The following GPR101 variants were observed in gnomAD, a reference collection of about 807,000 sequenced individuals.
The protein encoded by GPR101 is G protein-coupled receptor 101, also known as probable G protein-coupled receptor 101.
Under a neutral mutation model 16.4 loss-of-function variants are expected in GPR101, and 8 were observed. The observed-to-expected ratio is 0.49, with a 90% CI of 0.29 to 0.88. GPR101 has a LOEUF of 0.88. Among genes scored for constraint, GPR101 ranks in the 40% least tolerant of loss-of-function variants. The pLI is 0.09. For missense variants in GPR101, 375 were observed against 411.7 expected, an observed-to-expected ratio of 0.91 and a Z score of 0.77; for synonymous variants, 155 against 168.7, an observed-to-expected ratio of 0.92 and a Z score of 0.63.
rs891701568 is a variant in GPR101, at chrX:137,024,652, C to T, written c.*5496G>A. On this transcript the variant is annotated 3_prime_UTR_variant, in exon 2 of 2. Transcript: ENST00000651716. Reference sequence around the variant, plus strand: ...ATACAGTACTGTAACTATCAAACACCGTAGCTGTGACCCCATAGAGGAGTC... The same window carrying T: ...ATACAGTACTGTAACTATCAAACACTGTAGCTGTGACCCCATAGAGGAGTC... Among the ~76,000 whole-genome samples the T allele has an allele frequency of 8.2e-5, 9 of 109,983 alleles. No individual in the cohort carries two copies. The highest frequency in any genetic ancestry group is 1.7e-4 in the Non-Finnish European group (9 of 52,800).
Position 137,030,804 on chromosome X carries a change from T to A in GPR101, c.871A>T (p.Thr291Ser). ...DGSLKAKEGS[T>S]GTSESSVEAR... ...TCTACACTACTCTCACTGGTCCCCG[T>A]GCTTCCTTCCTTGGCCTTCAGGCTG... The change falls in exon 2 of 2, where the codon ACG becomes TCG. Residue 291 changes from threonine (T) to serine (S), a missense_variant. Coordinates refer to ENST00000651716, the MANE Select transcript of GPR101 (RefSeq NM_054021.2). The A allele has an allele frequency of 2.5e-6, 3 of 1,211,803 alleles. No homozygotes were observed. The highest frequency in any genetic ancestry group is 2.2e-5 in the Admixed American group (1 of 46,073).
chrX:137,032,216 CACTT>C (rs1295588995), intron 1 of GPR101, among the ~76,000 whole-genome samples: 2 of 110,977 alleles, frequency 1.8e-5, no homozygotes, highest in Non-Finnish European at 3.8e-5. Context: ...CCTTGTCTCT[CACTT>C]ATGTCTGTCT....
At chrX:137,033,777 C>G (rs2148745252) in intron 1 of GPR101, among the ~76,000 whole-genome samples, 25 bp downstream of exon 1, 1 of 112,130 alleles carries the variant, frequency 8.9e-6, no homozygotes, top group African/African-American at 3.2e-5. Flanking sequence ...GGCCACGGAG[C>G]CCGGAGTAGG....
chrX:137,029,468 T>A lies in GPR101; in HGVS notation c.*680A>T, dbSNP rs1048387351. Reference sequence around the variant, plus strand: ...AGTCAACTGTTTAGCTCTCCAGATGTGTGTTATTTCTCAATCTTTTCCCTT... The same window carrying A: ...AGTCAACTGTTTAGCTCTCCAGATGAGTGTTATTTCTCAATCTTTTCCCTT... On this transcript the variant is annotated 3_prime_UTR_variant, in exon 2 of 2. Coordinates refer to ENST00000651716, the MANE Select transcript of GPR101 (RefSeq NM_054021.2). Among the ~76,000 whole-genome samples the A allele has an allele frequency of 1.3e-4, 15 of 112,371 alleles. No homozygotes were observed. Among genetic ancestry groups the A allele is most frequent in the Non-Finnish European group, 2.6e-4 (14 of 53,269 alleles).
chrX:137,024,353 T>C lies in GPR101; in HGVS notation c.*5795A>G, dbSNP rs1029988978. 6.2e-5 allele frequency among the ~76,000 whole-genome samples: 7 copies of C among 112,207 alleles called. No individual in the cohort carries two copies. In the Admixed American group the frequency reaches 6.6e-4, roughly 11 times the overall value. On this transcript the variant is annotated 3_prime_UTR_variant, in exon 2 of 2. Transcript: ENST00000651716. Reference sequence around the variant, plus strand: ...TCAGGACTGTAGTTTGACAATCCTTTGAGAAGGCACTTTTCAATTACAAAT... The same window carrying C: ...TCAGGACTGTAGTTTGACAATCCTTCGAGAAGGCACTTTTCAATTACAAAT...
At position 137,027,221 on chromosome X, in the gene GPR101, A is replaced by G. The variant is rs1927180677; in HGVS notation, c.*2927T>C. Reference sequence around the variant, plus strand: ...CAAACTAGATGCTCTATTATTCGTAAATAAGGAAAATCATTAAATTTAAAA... The same window carrying G: ...CAAACTAGATGCTCTATTATTCGTAGATAAGGAAAATCATTAAATTTAAAA... On this transcript the variant is annotated 3_prime_UTR_variant, in exon 2 of 2. Transcript: ENST00000651716. 9.4e-6 allele frequency among the ~76,000 whole-genome samples: 1 copy of G among 106,503 alleles called. No individual in the cohort carries two copies. The highest frequency in any genetic ancestry group is 3.4e-5 in the African/African-American group (1 of 29,079). 92.5% of individuals were successfully genotyped at this position (106,503 alleles called of 115,157 possible).
Position 137,031,491 on chromosome X carries a change from G to A in GPR101, c.184C>T (p.Leu62=). Residue 62 remains leucine (L), a synonymous_variant, in exon 2 of 2, where the codon CTG becomes TTG. Coordinates refer to ENST00000651716, the MANE Select transcript of GPR101 (RefSeq NM_054021.2). ...LALVLQRKPQ[L]LQVTNRFIFN... is the part of the protein sequence containing the mutation. ...ATAAAACGGTTGGTCACCTGCAGCA[G>A]CTGCGGCTTGCGCTGCAACACTAGC... The A allele has an allele frequency of 1.7e-6, 2 of 1,203,117 alleles. No homozygotes were observed. The highest frequency in any genetic ancestry group is 2.2e-6 in the Non-Finnish European group (2 of 891,507).
At position 137,024,458 on chromosome X, in the gene GPR101, C is replaced by T. The variant is rs1269525581; in HGVS notation, c.*5690G>A. 8.9e-6 allele frequency among the ~76,000 whole-genome samples: 1 copy of T among 112,336 alleles called. No homozygotes were observed. The highest frequency in any genetic ancestry group is 1.9e-5 in the Non-Finnish European group (1 of 53,288). On this transcript the variant is annotated 3_prime_UTR_variant, in exon 2 of 2. Coordinates refer to ENST00000651716, the MANE Select transcript of GPR101 (RefSeq NM_054021.2). Reference sequence around the variant, plus strand: ...AAGAGAACTATTTATTGATTAAATACATTTTTCTGTTTTCAGTTTCAAAGC... The same window carrying T: ...AAGAGAACTATTTATTGATTAAATATATTTTTCTGTTTTCAGTTTCAAAGC...
Position 137,029,483 on chromosome X carries a change from T to C in GPR101, c.*665A>G, listed in dbSNP as rs905893313. On this transcript the variant is annotated 3_prime_UTR_variant, in exon 2 of 2. Transcript: ENST00000651716. The stretch of plus-strand genomic sequence containing the variant: ...TCTCCAGATGTGTGTTATTTCTCAA[T>C]CTTTTCCCTTGGACTAGCTTCCCAT... Among the ~76,000 whole-genome samples the C allele has an allele frequency of 8.9e-5, 10 of 112,533 alleles. No individual in the cohort carries two copies. The highest frequency in any genetic ancestry group is 3.2e-4 in the African/African-American group (10 of 30,942).
At position 137,026,894 on chromosome X, in the gene GPR101, G is replaced by C. The variant is rs916863081; in HGVS notation, c.*3254C>G. Among the ~76,000 whole-genome samples, 6 of 110,433 alleles carry C rather than the reference G, an allele frequency of 5.4e-5. No homozygotes were observed. Among genetic ancestry groups the C allele is most frequent in the African/African-American group, 2.0e-4 (6 of 30,255 alleles). On this transcript the variant is annotated 3_prime_UTR_variant, in exon 2 of 2. Transcript: ENST00000651716. ...GGTCCCTGTGAATCTGTCAGCTCTG[G>C]GTTGGGAAGGGATGGATGGGGAGTA...
At position 137,028,353 on chromosome X, in the gene GPR101, C is replaced by T. The variant is rs1927198347; in HGVS notation, c.*1795G>A. ...AGTTATTCACAGTCCAAATACATTG[C>T]TGTTTACCCCTTGAGAAGTTCATGT... On this transcript the variant is annotated 3_prime_UTR_variant, in exon 2 of 2. Coordinates refer to ENST00000651716, the MANE Select transcript of GPR101 (RefSeq NM_054021.2). Among the ~76,000 whole-genome samples, 1 of 111,557 alleles carries T rather than the reference C, an allele frequency of 9.0e-6. No homozygotes were observed. Among genetic ancestry groups the T allele is most frequent in the South Asian group, 3.8e-4 (1 of 2,645 alleles).
rs746481819 is a variant in GPR101, at chrX:137,025,237, AACTG to A, written c.*4907_*4910del. On this transcript the variant is annotated 3_prime_UTR_variant, in exon 2 of 2. Transcript: ENST00000651716. Reference sequence around the variant, plus strand: ...CAAATGTACCATGTTCTACATCAGAAACTGACTAAGTTGTAGGTCACACATAGAA... The same window carrying A: ...CAAATGTACCATGTTCTACATCAGAAACTAAGTTGTAGGTCACACATAGAA... Among the ~76,000 whole-genome samples the A allele has an allele frequency of 8.9e-6, 1 of 112,565 alleles. No homozygotes were observed. Among genetic ancestry groups the A allele is most frequent in the Non-Finnish European group, 1.9e-5 (1 of 53,365 alleles).
chrX:137,030,975 A>G lies in GPR101; in HGVS notation c.700T>C (p.Leu234=). Residue 234 remains leucine, a synonymous_variant, in exon 2 of 2, where the codon TTG becomes CTG. Transcript: ENST00000651716. ...ACACAGTCCTTGACTCGCACTTCCAAGCTGTGTCTCTTGACATTGTACAGC... is the reference window on the plus strand; with the variant it reads ...ACACAGTCCTTGACTCGCACTTCCAGGCTGTGTCTCTTGACATTGTACAGC... ...ALLYNVKRHS[L]EVRVKDCVEN... The G allele has an allele frequency of 8.3e-7, 1 of 1,211,535 alleles. No individual in the cohort carries two copies. Among genetic ancestry groups the G allele is most frequent in the East Asian group, 3.0e-5 (1 of 33,840 alleles).
rs1395334304 is a variant in GPR101, at chrX:137,025,231, A to G, written c.*4917T>C. Reference sequence around the variant, plus strand: ...AAAAAACAAATGTACCATGTTCTACATCAGAAACTGACTAAGTTGTAGGTC... The same window carrying G: ...AAAAAACAAATGTACCATGTTCTACGTCAGAAACTGACTAAGTTGTAGGTC... On this transcript the variant is annotated 3_prime_UTR_variant, in exon 2 of 2. Transcript: ENST00000651716. Among the ~76,000 whole-genome samples, 1 of 112,621 alleles carries G rather than the reference A, an allele frequency of 8.9e-6. No individual in the cohort carries two copies. Among genetic ancestry groups the G allele is most frequent in the African/African-American group, 3.2e-5 (1 of 30,938 alleles).
At position 137,030,547 on chromosome X, in the gene GPR101, G is replaced by T; in HGVS notation, c.1128C>A (p.Leu376=). Reference sequence around the variant, plus strand: ...TGTTGCTGTTACGACGACTGGGTGGGAGGCTCTCCGGGATGTTCACTGCCT... The same window carrying T: ...TGTTGCTGTTACGACGACTGGGTGGTAGGCTCTCCGGGATGTTCACTGCCT... The part of the protein sequence containing the change: ...DVEAVNIPES[L]PPSRRNSNSN... Residue 376 remains leucine, a synonymous_variant, in exon 2 of 2, where the codon CTC becomes CTA. Coordinates refer to ENST00000651716, the MANE Select transcript of GPR101 (RefSeq NM_054021.2). The T allele has an allele frequency of 1.7e-6, 2 of 1,210,896 alleles. No individual in the cohort carries two copies. The highest frequency in any genetic ancestry group is 3.5e-5 in the African/African-American group (2 of 57,674).
At chrX:137,033,088 A>G (rs900408624) in intron 1 of GPR101, among the ~76,000 whole-genome samples, 1 of 111,123 alleles carries the variant, frequency 9.0e-6, no homozygotes, top group African/African-American at 3.3e-5. Context: ...GGCTTTGGTT[A>G]AAAAACCCTT....
In GPR101 at chrX:137,025,758, G is replaced by A. The variant is rs749039651; in HGVS notation, c.*4390C>T. On this transcript the variant is annotated 3_prime_UTR_variant, in exon 2 of 2. Coordinates refer to ENST00000651716, the MANE Select transcript of GPR101 (RefSeq NM_054021.2). ...ACCAAAGAGCAGTGAACTTGTCAGT[G>A]ACCTGGCAATCTGTGGCCAGGTTCA... Among the ~76,000 whole-genome samples, 185 of 112,348 alleles carry A rather than the reference G, an allele frequency of 1.6e-3. 1 individual carries two copies. Among genetic ancestry groups the A allele is most frequent in the Middle Eastern group, 9.2e-3 (2 of 218 alleles).
In GPR101 at chrX:137,030,551, C is replaced by T. The variant is rs780917170; in HGVS notation, c.1124G>A (p.Ser375Asn). ...DDVEAVNIPESLPPSRRNSNS... is the reference protein window; with the variant it reads ...DDVEAVNIPENLPPSRRNSNS... The stretch of plus-strand genomic sequence containing the variant: ...GCTGTTACGACGACTGGGTGGGAGG[C>T]TCTCCGGGATGTTCACTGCCTCGAC... Residue 375 changes from serine to asparagine, a missense_variant, in exon 2 of 2, where the codon AGC becomes AAC. Physicochemically the swap from Ser to Asn is conservative, Grantham distance 46. Transcript: ENST00000651716. The T allele has an allele frequency of 8.3e-7, 1 of 1,210,802 alleles. No individual in the cohort carries two copies. Among genetic ancestry groups the T allele is most frequent in the Non-Finnish European group, 1.1e-6 (1 of 895,105 alleles).
rs1927151417 is a variant in GPR101 at position 137,025,110 on chromosome X, A to G, written c.*5038T>C. Among the ~76,000 whole-genome samples the G allele has an allele frequency of 8.9e-6, 1 of 112,127 alleles. No homozygotes were observed. Among genetic ancestry groups the G allele is most frequent in the Admixed American group, 9.5e-5 (1 of 10,581 alleles). On this transcript the variant is annotated 3_prime_UTR_variant, in exon 2 of 2. Transcript: ENST00000651716. ...AATAAGTCCTCACCTGTCATATATC[A>G]TATTAGGGATTTAAGGAATGAAAGG...
Sources: allele counts gnomAD v4.1 joint callset (sites outside exome capture counted in the v4.1 genomes callset), GRCh38; gene constraint gnomAD v4.1.1; transcripts MANE v1.5; gene names NCBI Gene and HGNC (gene_info 2026-07-23, HGNC 2026-07-21).